The following TNIK variants were observed in gnomAD, a reference collection of about 807,000 sequenced individuals.
The protein encoded by TNIK is TRAF2 and NCK-interacting protein kinase.
A neutral mutation model predicts 191.3 loss-of-function variants in TNIK; 49 were observed. The observed-to-expected ratio is 0.26, with a 90% CI of 0.20 to 0.32. The LOEUF (loss-of-function observed/expected upper bound fraction) is 0.32. TNIK is among the 10% of genes least tolerant of loss of function. TNIK has a pLI of 1.00. For missense variants in TNIK, 1,155 were observed against 1,702.3 expected (o/e 0.68, Z 5.66); for synonymous variants, 594 against 600.9 (o/e 0.99, Z 0.17).
intron 4 of TNIK, among the ~76,000 whole-genome samples, chr3:171,201,151 G>A (rs983579837): frequency 1.3e-5 from 2 of 152,168 alleles, no homozygotes; most frequent in Non-Finnish European, 1.5e-5. Flanking sequence ...TGTAATCCCA[G>A]CACTTTGGGA....
intron 2 of TNIK, among the ~76,000 whole-genome samples, chr3:171,276,955 A>C (rs1004553174): frequency 2.0e-5 from 3 of 152,232 alleles, no homozygotes; most frequent in African/African-American, 7.2e-5. Flanking sequence ...TATACTTTAA[A>C]TGTGTCCTTC....
chr3:171,091,557 A>C (rs1722058995), intron 23 of TNIK, among the ~76,000 whole-genome samples: 1 of 152,088 alleles, frequency 6.6e-6, no homozygotes, highest in Non-Finnish European at 1.5e-5. Flanking sequence ...AGCCTGGGCA[A>C]CACAGTGAAA....
chr3:171,299,183 AC>A (rs1417036999), intron 2 of TNIK, among the ~76,000 whole-genome samples: 4 of 150,982 alleles, frequency 2.6e-5, no homozygotes, highest in African/African-American at 9.8e-5. Context: ...CATCTTGCAA[AC>A]CCCCTTCCCC....
chr3:171,098,349 A>G lies in TNIK; in HGVS notation c.2591+3100T>C, dbSNP rs551678159. 7.2e-5 allele frequency among the ~76,000 whole-genome samples: 11 copies of G among 152,314 alleles called. No individual in the cohort carries two copies. The South Asian group carries it at 2.3e-3, about 32-fold the overall frequency. ...ACATGCCCATCATATAATTGGGGAT[A>G]TACATAAAATAAAAATCTCCCATAA... On this transcript the variant is annotated intron_variant, in intron 22 of 32. Coordinates refer to ENST00000436636, the MANE Select transcript of TNIK (RefSeq NM_015028.4).
chr3:171,150,771 G>A (rs1732329369), intron 12 of TNIK, among the ~76,000 whole-genome samples: 2 of 152,126 alleles, frequency 1.3e-5, no homozygotes, highest in South Asian at 4.1e-4. Flanking sequence ...AGGACTGCAG[G>A]CTAACTCACC....
chr3:171,198,692 T>C (rs1479809069), intron 4 of TNIK, among the ~76,000 whole-genome samples: 1 of 152,204 alleles, frequency 6.6e-6, no homozygotes, highest in Non-Finnish European at 1.5e-5. Flanking sequence ...TAGGTGTTCA[T>C]TATACTGTTC....
At chr3:171,397,343 A>G (rs1306444421) in intron 1 of TNIK, among the ~76,000 whole-genome samples, 1 of 152,218 alleles carries the variant, frequency 6.6e-6, no homozygotes, top group African/African-American at 2.4e-5. Context: ...TCACCTTTAC[A>G]TTAGCTATGT....
intron 18 of TNIK, among the ~76,000 whole-genome samples, chr3:171,121,155 A>G (rs911982701): frequency 6.6e-6 from 1 of 152,220 alleles, no homozygotes; most frequent in Non-Finnish European, 1.5e-5. Context: ...CAGAATATTG[A>G]CCAAGTACAG....
intron 30 of TNIK, 98 bp downstream of exon 30, chr3:171,068,750 G>T: frequency 1.6e-6 from 2 of 1,215,124 alleles, no homozygotes; most frequent in Non-Finnish European, 2.2e-6. Context: ...GGTTAGTAAA[G>T]TGTGCATGAC....
chr3:171,383,943 C>G (rs1458670245), intron 1 of TNIK, among the ~76,000 whole-genome samples: 1 of 152,218 alleles, frequency 6.6e-6, no homozygotes, highest in Non-Finnish European at 1.5e-5. Context: ...GCTCTCCCAT[C>G]CAACCTCAGC....
intron 2 of TNIK, among the ~76,000 whole-genome samples, chr3:171,316,789 A>G (rs1249105183): frequency 6.6e-6 from 1 of 151,920 alleles, no homozygotes; most frequent in East Asian, 1.9e-4. Flanking sequence ...GATAGTTCTT[A>G]TATTACTATA....
At chr3:171,250,562 C>T (rs1746112015) in intron 2 of TNIK, among the ~76,000 whole-genome samples, 2 of 152,178 alleles carry the variant, frequency 1.3e-5, no homozygotes, top group African/African-American at 4.8e-5. Context: ...TAAAGCCATG[C>T]AGCTAGCTCA....
rs574312516 is a variant in TNIK at position 171,442,471 on chromosome 3, C to T, written c.57+17536G>A. On this transcript the variant is annotated intron_variant, in intron 1 of 32. Transcript: ENST00000436636. Reference sequence around the variant, plus strand: ...CAGAGATCACAGAGGGACACCCAGCCTTCAAACCCCTTCAACAGACTCTTT... The same window carrying T: ...CAGAGATCACAGAGGGACACCCAGCTTTCAAACCCCTTCAACAGACTCTTT... Among the ~76,000 whole-genome samples the T allele has an allele frequency of 3.3e-5, 5 of 152,328 alleles. No homozygotes were observed. The South Asian group carries it at 1.0e-3, about 32-fold the overall frequency.
chr3:171,227,104 A>G (rs1279505716), intron 3 of TNIK, among the ~76,000 whole-genome samples: 2 of 152,208 alleles, frequency 1.3e-5, no homozygotes, highest in African/African-American at 2.4e-5. Flanking sequence ...CCCCAGGACA[A>G]CAGAAAATTA....
intron 2 of TNIK, among the ~76,000 whole-genome samples, chr3:171,367,987 G>A (rs1715977665): frequency 6.6e-6 from 1 of 151,972 alleles, no homozygotes; most frequent in South Asian, 2.1e-4. Flanking sequence ...GAATAATAAT[G>A]TTGACAACCT....
At chr3:171,228,502 A>G (rs1179067533) in intron 2 of TNIK, among the ~76,000 whole-genome samples, 7 of 152,228 alleles carry the variant, frequency 4.6e-5, no homozygotes, top group Non-Finnish European at 1.0e-4. Flanking sequence ...ACAAGAGCTT[A>G]TATGAGAGGA....
intron 28 of TNIK, among the ~76,000 whole-genome samples, chr3:171,075,083 C>A (rs557503809): frequency 1.1e-4 from 17 of 152,316 alleles, no homozygotes; most frequent in Admixed American, 1.0e-3. Context: ...TTTTGAAAAA[C>A]ACTTGTCAGG....
At chr3:171,336,772 T>C (rs1445759988) in intron 2 of TNIK, among the ~76,000 whole-genome samples, 1 of 152,204 alleles carries the variant, frequency 6.6e-6, no homozygotes, top group Non-Finnish European at 1.5e-5. Context: ...GTTTTTCCAG[T>C]TCCAATTGTG....
chr3:171,368,842 C>G (rs1446178466), intron 2 of TNIK, among the ~76,000 whole-genome samples: 2 of 152,024 alleles, frequency 1.3e-5, no homozygotes, highest in South Asian at 4.1e-4. Context: ...TAGAAATTAT[C>G]ATGAGGAAAC....
Sources: gnomAD v4.1 joint callset for allele counts (sites outside exome capture counted in the v4.1 genomes callset) on GRCh38, gnomAD v4.1.1 for gene constraint, MANE v1.5 for transcripts, NCBI Gene and HGNC (gene_info 2026-07-23, HGNC 2026-07-21) for gene names.